The following FOXJ3 variants were observed in gnomAD, a reference collection of about 807,000 sequenced individuals.
FOXJ3 encodes forkhead box protein J3.
A neutral mutation model predicts 76.1 loss-of-function variants in FOXJ3; 22 were observed. The observed-to-expected ratio is 0.29, with a 90% CI of 0.21 to 0.41. FOXJ3 has a LOEUF of 0.41. Ranked by LOEUF, FOXJ3 falls within the 10% of genes least tolerant of loss-of-function variation. The pLI is 1.00. For missense variants in FOXJ3, 613 were observed against 762.1 expected (o/e 0.80, Z 2.30); for synonymous variants, 269 against 261.2 (o/e 1.03, Z -0.29).
intron 5 of FOXJ3, among the ~76,000 whole-genome samples, chr1:42,220,476 T>C (rs764431171): frequency 2.4e-4 from 36 of 152,120 alleles, no homozygotes; most frequent in Middle Eastern, 3.4e-3. Flanking sequence ...ATCCAAACCC[T>C]CCCATATCCC....
At chr1:42,325,577 G>A (rs1401698346) in intron 1 of FOXJ3, among the ~76,000 whole-genome samples, 1 of 152,156 alleles carries the variant, frequency 6.6e-6, no homozygotes, top group Non-Finnish European at 1.5e-5. Flanking sequence ...GAAATGATGA[G>A]TCCAATGTAC....
intron 2 of FOXJ3, among the ~76,000 whole-genome samples, chr1:42,293,001 C>T (rs1418085084): frequency 4.0e-5 from 6 of 151,778 alleles, no homozygotes; most frequent in African/African-American, 7.3e-5. Context: ...CTCAGGAGGC[C>T]GAGACAAGAC....
chr1:42,251,229 A>G (rs571956968), intron 4 of FOXJ3, among the ~76,000 whole-genome samples: 1 of 152,284 alleles, frequency 6.6e-6, no homozygotes, highest in Non-Finnish European at 1.5e-5. Flanking sequence ...TACATATAGA[A>G]GAATAAAAAT....
chr1:42,297,474 C>A (rs915345240), intron 2 of FOXJ3, among the ~76,000 whole-genome samples: 1 of 152,044 alleles, frequency 6.6e-6, no homozygotes, highest in Non-Finnish European at 1.5e-5. Context: ...TGTTATGAAG[C>A]GATGTTGGAT....
intron 5 of FOXJ3, among the ~76,000 whole-genome samples, chr1:42,210,455 A>G (rs1466817189): frequency 6.6e-6 from 1 of 152,144 alleles, no homozygotes; most frequent in Admixed American, 6.5e-5. Context: ...GTTCTTTTGC[A>G]AGCATCACCT....
Position 42,191,431 on chromosome 1 carries a change from C to G in FOXJ3, c.1223G>C (p.Ser408Thr), listed in dbSNP as rs765836573. The change falls in exon 9 of 13, where the codon AGC (serine) becomes ACC (threonine). Residue 408 changes from serine (S) to threonine (T), a missense_variant. Coordinates refer to ENST00000361346, the MANE Select transcript of FOXJ3 (RefSeq NM_014947.5). ...PHPAPHPQQH[S>T]QLQSPHPQHP... Reference sequence around the variant, plus strand: ...CTGGGGGTGAGGGGACTGGAGCTGGCTGTGTTGCTGTGGGTGTGGTGCTGG... The same window carrying G: ...CTGGGGGTGAGGGGACTGGAGCTGGGTGTGTTGCTGTGGGTGTGGTGCTGG... The G allele has an allele frequency of 6.2e-6, 10 of 1,612,394 alleles. 1 individual carries two copies. The South Asian group carries it at 1.1e-4, about 18-fold the overall frequency.
intron 11 of FOXJ3, among the ~76,000 whole-genome samples, chr1:42,186,701 G>C (rs530024841): frequency 1.3e-5 from 2 of 152,262 alleles, no homozygotes; most frequent in Non-Finnish European, 1.5e-5. Context: ...GACAGCAGCA[G>C]ATAAAGTGTT....
intron 4 of FOXJ3, among the ~76,000 whole-genome samples, chr1:42,258,090 C>T (rs899682193): frequency 2.6e-5 from 4 of 152,178 alleles, no homozygotes; most frequent in African/African-American, 4.8e-5. Flanking sequence ...AGTATATGCC[C>T]GTTGGTAAAG....
chr1:42,322,123 A>C (rs967078148), intron 1 of FOXJ3, among the ~76,000 whole-genome samples: 1 of 152,160 alleles, frequency 6.6e-6, no homozygotes, highest in Non-Finnish European at 1.5e-5. Flanking sequence ...TAGAGACGTG[A>C]AGGGCCAAAG....
intron 5 of FOXJ3, among the ~76,000 whole-genome samples, chr1:42,206,912 C>A (rs1426276707): frequency 6.6e-6 from 1 of 152,018 alleles, no homozygotes; most frequent in Non-Finnish European, 1.5e-5. Context: ...CTCACTGCAA[C>A]CTTCACCTCC....
chr1:42,284,513 G>C (rs1337077336), intron 2 of FOXJ3, among the ~76,000 whole-genome samples: 3 of 152,196 alleles, frequency 2.0e-5, no homozygotes, highest in African/African-American at 7.2e-5. Flanking sequence ...CCCTTGTCCT[G>C]CAATTTCAGC....
chr1:42,331,665 G>A (rs1287130255), intron 1 of FOXJ3, among the ~76,000 whole-genome samples: 1 of 152,076 alleles, frequency 6.6e-6, no homozygotes, highest in Non-Finnish European at 1.5e-5. Context: ...TGAGGGTACG[G>A]GGAGTGACTG....
intron 4 of FOXJ3, among the ~76,000 whole-genome samples, chr1:42,257,631 G>A (rs187225256): frequency 1.3e-5 from 2 of 152,006 alleles, no homozygotes; most frequent in Non-Finnish European, 2.9e-5. Context: ...CCCGCCTACA[G>A]GGGAGGGTGA....
chr1:42,301,803 T>G (rs1654165654), intron 2 of FOXJ3, among the ~76,000 whole-genome samples: 1 of 152,188 alleles, frequency 6.6e-6, no homozygotes, highest in African/African-American at 2.4e-5. Context: ...TATCTTGTAT[T>G]TCAAAGATTT....
At chr1:42,263,215 G>A (rs1390430912) in intron 4 of FOXJ3, among the ~76,000 whole-genome samples, 2 of 152,118 alleles carry the variant, frequency 1.3e-5, no homozygotes, top group Non-Finnish European at 2.9e-5. Flanking sequence ...AAAAATACCT[G>A]ACATGACACA....
At chr1:42,312,686 T>C (rs1654883622) in intron 1 of FOXJ3, among the ~76,000 whole-genome samples, 1 of 152,248 alleles carries the variant, frequency 6.6e-6, no homozygotes, top group South Asian at 2.1e-4. Context: ...TGCAGAGTAC[T>C]GACAATAGCT....
At chr1:42,261,570 T>TA (rs1651041835) in intron 4 of FOXJ3, among the ~76,000 whole-genome samples, 1 of 152,152 alleles carries the variant, frequency 6.6e-6, no homozygotes, top group Non-Finnish European at 1.5e-5. Flanking sequence ...GATAGCCACA[T>TA]AAAAACATCT....
At chr1:42,185,320 C>T (rs1253496268) in intron 11 of FOXJ3, among the ~76,000 whole-genome samples, 10 of 137,806 alleles carry the variant, frequency 7.3e-5, no homozygotes, top group African/African-American at 2.5e-4. Context: ...TGTGGTGGCG[C>T]GATCTTGGCT....
intron 4 of FOXJ3, among the ~76,000 whole-genome samples, chr1:42,248,504 A>G (rs1366961000): frequency 6.7e-6 from 1 of 148,778 alleles, no homozygotes; most frequent in African/African-American, 2.5e-5. Context: ...ACTGCACTCC[A>G]GCCTGGGCGA....
Sources: allele counts gnomAD v4.1 joint callset (sites outside exome capture counted in the v4.1 genomes callset), GRCh38; gene constraint gnomAD v4.1.1; transcripts MANE v1.5; gene names NCBI Gene and HGNC (gene_info 2026-07-23, HGNC 2026-07-21).